The following CUX1 variants were observed in gnomAD, a reference collection of about 807,000 sequenced individuals.
The protein encoded by CUX1 is cut like homeobox 1.
In CUX1, 31 loss-of-function variants were observed where a neutral mutation model predicts 158.8. The observed-to-expected ratio is 0.20, with a 90% CI of 0.15 to 0.26. The LOEUF is 0.26. Among genes scored for constraint, CUX1 ranks in the 10% least tolerant of loss-of-function variants. The pLI is 1.00. For missense variants in CUX1, 1,589 were observed against 2,014.6 expected, an observed-to-expected ratio of 0.79 and a Z score of 4.04; for synonymous variants, 879 against 862.1, an observed-to-expected ratio of 1.02 and a Z score of -0.34.
chr7:102,281,662 C>CA (rs371692388), intron 20 of CUX1, among the ~76,000 whole-genome samples: 3,497 of 146,840 alleles, frequency 0.024, 124 homozygotes, highest in African/African-American at 0.082. Context: ...GACTCTGTCT[C>CA]AAAAAAAAAA....
In CUX1 at chr7:102,178,502, C is replaced by T; in HGVS notation, c.862C>T (p.Leu288=). Residue 288 remains leucine, a synonymous_variant, in exon 11 of 24, where the codon CTA becomes TTA. Coordinates refer to ENST00000292535, the MANE Select transcript of CUX1 (RefSeq NM_181552.4). The part of the protein sequence containing the change: ...QAIEVLTRSS[L]EVELAAKERE... The stretch of plus-strand genomic sequence containing the variant: ...CATAGAGGTGCTGACCCGCTCCAGC[C>T]TAGAAGTTGAGTTGGCCGCCAAGGA... 1 of 1,612,216 alleles carries T rather than the reference C, an allele frequency of 6.2e-7. No individual in the cohort carries two copies. The highest frequency in any genetic ancestry group is 8.5e-7 in the Non-Finnish European group (1 of 1,178,536).
intron 4 of CUX1, among the ~76,000 whole-genome samples, chr7:102,074,923 A>G (rs1826536842): frequency 1.3e-5 from 2 of 152,142 alleles, no homozygotes; most frequent in African/African-American, 2.4e-5. Context: ...CAATGGTGTG[A>G]TCTCCGCACA....
At chr7:102,011,865 C>T (rs1430137126) in intron 2 of CUX1, among the ~76,000 whole-genome samples, 1 of 151,950 alleles carries the variant, frequency 6.6e-6, no homozygotes, top group African/African-American at 2.4e-5. Context: ...GGTCTTGTCA[C>T]CCAGGCTGGA....
intron 1 of CUX1, among the ~76,000 whole-genome samples, chr7:101,819,739 A>T (rs1792265598): frequency 6.6e-6 from 1 of 152,108 alleles, no homozygotes; most frequent in Non-Finnish European, 1.5e-5. Flanking sequence ...TTGGCAGTTG[A>T]TTTAAGTTTT....
At chr7:101,837,163 A>C (rs1175578841) in intron 1 of CUX1, among the ~76,000 whole-genome samples, 8 of 152,286 alleles carry the variant, frequency 5.3e-5, no homozygotes, top group Non-Finnish European at 1.2e-4. Context: ...GTGCAGGTAT[A>C]TTTGAGAGTG....
At chr7:102,225,027 T>C (rs1798207477) in intron 20 of CUX1, among the ~76,000 whole-genome samples, 1 of 152,178 alleles carries the variant, frequency 6.6e-6, no homozygotes, top group Non-Finnish European at 1.5e-5. Context: ...CTCTGCCGGC[T>C]TCAGACACAA....
chr7:102,044,259 G>A (rs1160294599), intron 3 of CUX1, among the ~76,000 whole-genome samples: 1 of 151,696 alleles, frequency 6.6e-6, no homozygotes, highest in Non-Finnish European at 1.5e-5. Context: ...GTGCCATCTT[G>A]GCTCACTGCA....
chr7:102,136,508 C>T (rs1338703839), intron 8 of CUX1, among the ~76,000 whole-genome samples: 1 of 152,094 alleles, frequency 6.6e-6, no homozygotes, highest in Non-Finnish European at 1.5e-5. Context: ...TCTCCTGCCT[C>T]AGCCTCCCCA....
At chr7:102,151,971 C>G (rs1289279741) in intron 8 of CUX1, among the ~76,000 whole-genome samples, 9 of 152,074 alleles carry the variant, frequency 5.9e-5, no homozygotes, top group Admixed American at 1.3e-4. Flanking sequence ...TTCTGGGAAA[C>G]TAAGGCAGGA....
At chr7:102,206,540 G>C (rs1282349237) in intron 20 of CUX1, among the ~76,000 whole-genome samples, 1 of 152,196 alleles carries the variant, frequency 6.6e-6, no homozygotes, top group Non-Finnish European at 1.5e-5. Flanking sequence ...ACTCACGAGA[G>C]TATTTGATTC....
intron 1 of CUX1, among the ~76,000 whole-genome samples, chr7:101,876,286 A>G (rs1396739321): frequency 6.6e-6 from 1 of 150,842 alleles, no homozygotes; most frequent in Non-Finnish European, 1.5e-5. Flanking sequence ...CGGAGGTTGC[A>G]GTGAGCCGAG....
At chr7:102,203,824 T>A (rs1175014776) in intron 18 of CUX1, among the ~76,000 whole-genome samples, 2 of 152,056 alleles carry the variant, frequency 1.3e-5, no homozygotes, top group Admixed American at 6.6e-5. Flanking sequence ...TGCGGCGGAA[T>A]GTCACTCCCA....
At chr7:102,123,548 G>T (rs1337750264) in intron 8 of CUX1, among the ~76,000 whole-genome samples, 2 of 148,634 alleles carry the variant, frequency 1.3e-5, no homozygotes, top group South Asian at 4.2e-4. Flanking sequence ...GGCAGAGCTT[G>T]CAGTGAGCCG....
At chr7:102,037,829 C>T (rs949036878) in intron 3 of CUX1, among the ~76,000 whole-genome samples, 1 of 151,524 alleles carries the variant, frequency 6.6e-6, no homozygotes, top group Non-Finnish European at 1.5e-5. Context: ...CTGAGGCAGG[C>T]GGATCACTTG....
At chr7:102,280,411 C>T (rs549388875) in intron 19 of CUX1, among the ~76,000 whole-genome samples, 53 of 152,310 alleles carry the variant, frequency 3.5e-4, no homozygotes, top group African/African-American at 1.2e-3. Context: ...TGGCAGTGAC[C>T]GGGTTAACCT....
intron 10 of CUX1, among the ~76,000 whole-genome samples, chr7:102,172,533 A>T (rs1453445317): frequency 2.0e-5 from 3 of 152,196 alleles, no homozygotes; most frequent in Non-Finnish European, 4.4e-5. Flanking sequence ...TACAAGCATG[A>T]GTCATCATTC....
At chr7:101,857,776 C>T (rs1284724391) in intron 1 of CUX1, among the ~76,000 whole-genome samples, 1 of 152,008 alleles carries the variant, frequency 6.6e-6, no homozygotes, top group Non-Finnish European at 1.5e-5. Context: ...ATTTTTTTCC[C>T]CCCTTAGCTC....
intron 3 of CUX1, among the ~76,000 whole-genome samples, chr7:102,034,175 T>C (rs565675387): frequency 2.9e-4 from 33 of 114,144 alleles, no homozygotes; most frequent in African/African-American, 1.1e-3. Flanking sequence ...AAAGTCAGTC[T>C]TATTATTGAA....
At chr7:101,895,567 T>G (rs561824538) in intron 1 of CUX1, among the ~76,000 whole-genome samples, 86 of 152,276 alleles carry the variant, frequency 5.6e-4, no homozygotes, top group African/African-American at 2.1e-3. Flanking sequence ...TCAGTAAGCT[T>G]TGCCGGTGTC....
Sources: allele counts gnomAD v4.1 joint callset (sites outside exome capture counted in the v4.1 genomes callset), GRCh38; gene constraint gnomAD v4.1.1; transcripts MANE v1.5; gene names NCBI Gene and HGNC (gene_info 2026-07-23, HGNC 2026-07-21).